AGBL4: variants seen among roughly 807,000 people sequenced by gnomAD.
The protein encoded by AGBL4 is AGBL carboxypeptidase 4, also known as cytosolic carboxypeptidase 6.
Under a neutral mutation model 66.4 loss-of-function variants are expected in AGBL4, and 58 were observed. That is an observed-to-expected ratio of 0.87 (90% CI 0.71 to 1.09). The LOEUF is 1.09. Among genes scored for constraint, AGBL4 ranks in the 50% least tolerant of loss-of-function variants. The pLI is 0.00. For synonymous variants in AGBL4, 234 were observed against 222.9 expected (o/e 1.05, Z -0.44); for missense variants, 579 against 631.0 (o/e 0.92, Z 0.88).
chr1:49,933,088 G>C (rs1290104509), intron 1 of AGBL4, among the ~76,000 whole-genome samples: 8 of 151,958 alleles, frequency 5.3e-5, no homozygotes, highest in Admixed American at 5.2e-4. Flanking sequence ...TCCCAAACAG[G>C]ATGAACCCCA....
intron 2 of AGBL4, among the ~76,000 whole-genome samples, chr1:49,703,163 A>C (rs1186563143): frequency 6.6e-6 from 1 of 152,070 alleles, no homozygotes; most frequent in Middle Eastern, 3.2e-3. Context: ...CAGATGACAT[A>C]ATTTTTATGC....
At chr1:48,666,299 C>T (rs1209384790) in intron 6 of AGBL4, among the ~76,000 whole-genome samples, 3 of 151,946 alleles carry the variant, frequency 2.0e-5, no homozygotes, top group African/African-American at 7.3e-5. Context: ...GGAGGCAGGA[C>T]AGATGAAGAA....
At chr1:49,898,525 T>C (rs868004837) in intron 1 of AGBL4, among the ~76,000 whole-genome samples, 5 of 152,162 alleles carry the variant, frequency 3.3e-5, no homozygotes, top group Middle Eastern at 3.4e-3. Flanking sequence ...GGAATGTAAA[T>C]TAGTACAACT....
chr1:49,495,199 T>C (rs1454904102), intron 3 of AGBL4, among the ~76,000 whole-genome samples: 1 of 152,032 alleles, frequency 6.6e-6, no homozygotes. Flanking sequence ...TCATATAAAA[T>C]TTTATCTAAC....
At chr1:49,618,954 T>C (rs1645303699) in intron 3 of AGBL4, among the ~76,000 whole-genome samples, 1 of 152,190 alleles carries the variant, frequency 6.6e-6, no homozygotes, top group Admixed American at 6.5e-5. Context: ...AACTAGGTAT[T>C]GATGGAACAT....
intron 5 of AGBL4, among the ~76,000 whole-genome samples, chr1:48,998,106 A>G (rs78214346): frequency 0.011 from 1,750 of 152,330 alleles, 30 homozygotes; most frequent in African/African-American, 0.04. Flanking sequence ...CTTTATTGGC[A>G]TTTTAAAAAA....
At chr1:49,891,469 C>T (rs1648638722) in intron 1 of AGBL4, among the ~76,000 whole-genome samples, 2 of 152,196 alleles carry the variant, frequency 1.3e-5, no homozygotes, top group Admixed American at 6.5e-5. Flanking sequence ...ATGGTAGAGG[C>T]CACAGATGTT....
chr1:49,793,983 G>A (rs1444320518), intron 2 of AGBL4, among the ~76,000 whole-genome samples: 1 of 151,914 alleles, frequency 6.6e-6, no homozygotes, highest in Non-Finnish European at 1.5e-5. Flanking sequence ...ATCAATTATC[G>A]TGAGGATAGA....
chr1:48,860,845 T>C (rs1168918064), intron 6 of AGBL4, among the ~76,000 whole-genome samples: 1 of 152,192 alleles, frequency 6.6e-6, no homozygotes, highest in Admixed American at 6.5e-5. Context: ...CTCAAAGTGA[T>C]CTTACAAATT....
At chr1:48,881,514 C>T (rs1468858339) in intron 5 of AGBL4, among the ~76,000 whole-genome samples, 1 of 152,172 alleles carries the variant, frequency 6.6e-6, no homozygotes, top group Non-Finnish European at 1.5e-5. Context: ...GGAATATCCA[C>T]TTGGGCCTGA....
intron 3 of AGBL4, among the ~76,000 whole-genome samples, chr1:49,535,379 TATA>T (rs1210979583): frequency 6.8e-6 from 1 of 147,910 alleles, no homozygotes; most frequent in Non-Finnish European, 1.5e-5. Context: ...TATTATAATA[TATA>T]ATAAGATAAG....
At chr1:49,742,229 A>G (rs1394478752) in intron 2 of AGBL4, among the ~76,000 whole-genome samples, 1 of 149,816 alleles carries the variant, frequency 6.7e-6, no homozygotes, top group Non-Finnish European at 1.5e-5. Flanking sequence ...CAATGTACAA[A>G]AATCACAAGC....
intron 3 of AGBL4, among the ~76,000 whole-genome samples, chr1:49,283,110 TA>T (rs1169770231): frequency 6.6e-6 from 1 of 152,180 alleles, no homozygotes; most frequent in Non-Finnish European, 1.5e-5. Context: ...TCTGCAGACT[TA>T]AATGTCCCTG....
intron 4 of AGBL4, among the ~76,000 whole-genome samples, chr1:49,168,859 A>G (rs1012655566): frequency 6.6e-6 from 1 of 152,146 alleles, no homozygotes; most frequent in Non-Finnish European, 1.5e-5. Flanking sequence ...TCTGTATCCT[A>G]TGATTCACTC....
chr1:48,674,403 A>G (rs998775033), intron 6 of AGBL4, among the ~76,000 whole-genome samples: 1 of 152,156 alleles, frequency 6.6e-6, no homozygotes, highest in African/African-American at 2.4e-5. Flanking sequence ...TGATGAGAGC[A>G]GAGTAGACCC....
chr1:48,534,103 T>G lies in AGBL4; in HGVS notation c.*70A>C, dbSNP rs1292950957. 6.5e-7 allele frequency: 1 copy of G among 1,545,710 alleles called. No homozygotes were observed. Among genetic ancestry groups the G allele is most frequent in the African/African-American group, 1.4e-5 (1 of 72,720 alleles). On this transcript the variant is annotated 3_prime_UTR_variant, in exon 14 of 14. Coordinates refer to ENST00000371839, the MANE Select transcript of AGBL4 (RefSeq NM_032785.4). ...CAAATCCTTGGAAGCTAGAGAAGAG[T>G]GATTAATTTCATTCCCCAGCAGAAA...
At chr1:48,561,699 A>C (rs1190479941) in intron 11 of AGBL4, among the ~76,000 whole-genome samples, 3 of 152,194 alleles carry the variant, frequency 2.0e-5, no homozygotes, top group African/African-American at 7.2e-5. Flanking sequence ...ATGCCTCCTG[A>C]CTACTTGAGC....
At chr1:48,951,341 T>A (rs1007806948) in intron 5 of AGBL4, among the ~76,000 whole-genome samples, 1 of 152,206 alleles carries the variant, frequency 6.6e-6, no homozygotes, top group African/African-American at 2.4e-5. Context: ...ACTAATCACA[T>A]GTGAAGAGAG....
intron 1 of AGBL4, among the ~76,000 whole-genome samples, chr1:49,969,484 C>T (rs1201089855): frequency 6.6e-6 from 1 of 152,074 alleles, no homozygotes; most frequent in Non-Finnish European, 1.5e-5. Context: ...ATTCATCTGG[C>T]ATAACTAAAA....
Sources: allele counts gnomAD v4.1 joint callset (sites outside exome capture counted in the v4.1 genomes callset), GRCh38; gene constraint gnomAD v4.1.1; transcripts MANE v1.5; gene names NCBI Gene and HGNC (gene_info 2026-07-23, HGNC 2026-07-21).